NXPH1: variants seen among roughly 807,000 people sequenced by gnomAD.
NXPH1 encodes the protein neurexophilin-1.
Under a neutral mutation model 23.7 loss-of-function variants are expected in NXPH1, and 5 were observed. The observed-to-expected ratio is 0.21, with a 90% confidence interval of 0.11 to 0.44. The LOEUF is 0.44. Ranked by LOEUF, NXPH1 falls within the 20% of genes least tolerant of loss-of-function variation. NXPH1 has a pLI of 0.99. For synonymous variants in NXPH1, 144 were observed against 122.2 expected (o/e 1.18, Z -1.18); for missense variants, 324 against 321.6 (o/e 1.01, Z -0.06).
At chr7:8,691,490 A>T (rs2115183641) in intron 2 of NXPH1, among the ~76,000 whole-genome samples, 1 of 152,294 alleles carries the variant, frequency 6.6e-6, no homozygotes, top group African/African-American at 2.4e-5. Context: ...AAAACAAATT[A>T]AGGAATTTAC....
At chr7:8,628,451 C>T (rs1488285887) in intron 2 of NXPH1, among the ~76,000 whole-genome samples, 1 of 150,756 alleles carries the variant, frequency 6.6e-6, no homozygotes, top group Non-Finnish European at 1.5e-5. Flanking sequence ...ACCAAAAACC[C>T]AAACCCAACA....
At chr7:8,597,841 C>T (rs1240420722) in intron 2 of NXPH1, among the ~76,000 whole-genome samples, 1 of 152,118 alleles carries the variant, frequency 6.6e-6, no homozygotes, top group African/African-American at 2.4e-5. Context: ...CAACACTTCA[C>T]TTTGATTTGG....
intron 2 of NXPH1, among the ~76,000 whole-genome samples, chr7:8,591,685 A>T (rs545539490): frequency 1.3e-5 from 2 of 151,990 alleles, no homozygotes; most frequent in Non-Finnish European, 2.9e-5. Flanking sequence ...GAACTTTAAC[A>T]TATAGAAGTT....
At chr7:8,557,963 A>G (rs193236974) in intron 2 of NXPH1, among the ~76,000 whole-genome samples, 2 of 151,752 alleles carry the variant, frequency 1.3e-5, no homozygotes, top group Non-Finnish European at 3.0e-5. Context: ...CATCTCTTCT[A>G]TGTAGACCAT....
rs763579524 is a variant in NXPH1, at chr7:8,751,745, C to T, written c.792C>T (p.Asp264=). Reference sequence around the variant, plus strand: ...GCCCTGACTACAACTACCACAGTGACACACCTTACTTTCCCTCGGGATGAA... The same window carrying T: ...GCCCTGACTACAACTACCACAGTGATACACCTTACTTTCCCTCGGGATGAA... ...KVCPDYNYHS[D]TPYFPSG is the part of the protein sequence containing the mutation. Residue 264 remains aspartate, a synonymous_variant, in exon 3 of 3, where the codon GAC becomes GAT. Transcript: ENST00000405863. This position sits in a 1 kb window ranked among gnomAD's most constrained non-coding sequence, Gnocchi z 4.5. The T allele has an allele frequency of 1.2e-6, 2 of 1,611,220 alleles. No homozygotes were observed. Among genetic ancestry groups the T allele is most frequent in the Non-Finnish European group, 1.7e-6 (2 of 1,178,568 alleles).
intron 2 of NXPH1, among the ~76,000 whole-genome samples, chr7:8,731,736 C>G (rs527703695): frequency 6.6e-6 from 1 of 152,360 alleles, no homozygotes; most frequent in African/African-American, 2.4e-5. Flanking sequence ...AACCACTGCT[C>G]TCTTCAAAGC....
chr7:8,708,217 A>G (rs1388090473), intron 2 of NXPH1, among the ~76,000 whole-genome samples: 1 of 152,208 alleles, frequency 6.6e-6, no homozygotes, highest in African/African-American at 2.4e-5. Flanking sequence ...GATGTCTGTT[A>G]GTTAATTCAT....
chr7:8,480,888 T>C (rs1817061905), intron 2 of NXPH1, among the ~76,000 whole-genome samples: 1 of 152,210 alleles, frequency 6.6e-6, no homozygotes, highest in Non-Finnish European at 1.5e-5. Context: ...CATTTAGTTG[T>C]TGTCAAGATG....
At chr7:8,440,588 T>C (rs1156534493) in intron 2 of NXPH1, among the ~76,000 whole-genome samples, 1 of 152,184 alleles carries the variant, frequency 6.6e-6, no homozygotes, top group East Asian at 1.9e-4. Flanking sequence ...CAGTGTCCTA[T>C]TTTTCTATCT....
intron 2 of NXPH1, among the ~76,000 whole-genome samples, chr7:8,531,291 A>G (rs941271851): frequency 3.3e-5 from 5 of 152,198 alleles, no homozygotes; most frequent in African/African-American, 1.2e-4. Context: ...AGAGTGAATG[A>G]ACAAAAAAAG....
chr7:8,648,968 T>A (rs561994128), intron 2 of NXPH1, among the ~76,000 whole-genome samples: 53 of 142,280 alleles, frequency 3.7e-4, no homozygotes, highest in African/African-American at 1.3e-3. Context: ...TCCAATGTAA[T>A]CATTTTTGCC....
chr7:8,556,783 G>A (rs796121927), intron 2 of NXPH1, among the ~76,000 whole-genome samples: 4 of 150,634 alleles, frequency 2.7e-5, no homozygotes, highest in African/African-American at 9.7e-5. Context: ...GAAACCCCTT[G>A]GTAGTGAACT....
At chr7:8,671,213 A>G (rs971959847) in intron 2 of NXPH1, among the ~76,000 whole-genome samples, 2 of 152,222 alleles carry the variant, frequency 1.3e-5, no homozygotes, top group African/African-American at 2.4e-5. Flanking sequence ...TCTATGTGAA[A>G]GAGAAAAAAA....
At chr7:8,561,383 C>CACACACACAT (rs1554256950) in intron 2 of NXPH1, among the ~76,000 whole-genome samples, 10 of 147,116 alleles carry the variant, frequency 6.8e-5, no homozygotes, top group Non-Finnish European at 1.5e-4. Flanking sequence ...CACACACACA[C>CACACACACAT]CTCTCTCTCT....
chr7:8,437,546 G>A (rs1480944898), intron 2 of NXPH1, among the ~76,000 whole-genome samples: 2 of 152,264 alleles, frequency 1.3e-5, no homozygotes, highest in East Asian at 3.9e-4. Context: ...TTGTGGCTAT[G>A]GTGCAGTTTA....
intron 2 of NXPH1, among the ~76,000 whole-genome samples, chr7:8,724,127 T>C (rs1780012159): frequency 6.6e-6 from 1 of 152,198 alleles, no homozygotes; most frequent in African/African-American, 2.4e-5. Context: ...AGCTGCTCCT[T>C]CCAGGTCACT....
At position 8,629,551 on chromosome 7, in the gene NXPH1, G is replaced by T. The variant is rs528133613; in HGVS notation, c.55-121457G>T. On this transcript the variant is annotated intron_variant, in intron 2 of 2. Coordinates refer to ENST00000405863, the MANE Select transcript of NXPH1 (RefSeq NM_152745.3). ...AATAATGCAAACTGATTTTAAGTTT[G>T]GTGTGTTAATATTACAAGCTGTTAT... Among the ~76,000 whole-genome samples the T allele has an allele frequency of 5.3e-5, 8 of 152,184 alleles. 1 individual carries two copies. In the South Asian group the frequency reaches 1.7e-3, roughly 32 times the overall value.
chr7:8,488,384 C>G (rs1389128266), intron 2 of NXPH1, among the ~76,000 whole-genome samples: 1 of 152,070 alleles, frequency 6.6e-6, no homozygotes, highest in East Asian at 1.9e-4. Context: ...AATGACTTCC[C>G]TCTTAAATGT....
At chr7:8,605,043 A>G (rs998843878) in intron 2 of NXPH1, among the ~76,000 whole-genome samples, 1 of 152,092 alleles carries the variant, frequency 6.6e-6, no homozygotes, top group African/African-American at 2.4e-5. Flanking sequence ...ATATTGCCAT[A>G]TTTACTTCTA....
Sources: gnomAD v4.1 joint callset for allele counts (sites outside exome capture counted in the v4.1 genomes callset) on GRCh38, gnomAD v4.1.1 for gene constraint, Gnocchi (gnomAD v3.1) non-coding constraint, MANE v1.5 for transcripts, NCBI Gene and HGNC (gene_info 2026-07-23, HGNC 2026-07-21) for gene names.